Variants in TMEM131L observed in about 807,000 individuals in gnomAD.
TMEM131L encodes the protein transmembrane 131 like.
Under a neutral mutation model 192.2 loss-of-function variants are expected in TMEM131L, and 54 were observed. The observed-to-expected ratio is 0.28, with a 90% CI of 0.23 to 0.35. TMEM131L has a LOEUF of 0.35. Among genes scored for constraint, TMEM131L ranks in the 10% least tolerant of loss-of-function variants. The probability of loss-of-function intolerance (pLI) is 1.00; values close to 1 mark genes in which losing one functional copy is unlikely to be tolerated. For missense variants in TMEM131L, 1,888 were observed against 1,972.9 expected (o/e 0.96, Z 0.82); for synonymous variants, 701 against 704.9 (o/e 0.99, Z 0.09).
At chr4:153,473,018 A>G (rs1731264076) in intron 2 of TMEM131L, among the ~76,000 whole-genome samples, 2 of 152,228 alleles carry the variant, frequency 1.3e-5, no homozygotes, top group South Asian at 4.1e-4. Context: ...CTCGCCTGGT[A>G]GACAGTTAAG....
At chr4:153,471,115 G>A (rs1264863873) in intron 2 of TMEM131L, among the ~76,000 whole-genome samples, 1 of 152,064 alleles carries the variant, frequency 6.6e-6, no homozygotes, top group Non-Finnish European at 1.5e-5. Flanking sequence ...AGCCTCCTGA[G>A]TAGCTGGGAT....
At chr4:153,622,810 A>G (rs1297236478) in intron 28 of TMEM131L, 88 bp from the exon 29 acceptor site, 3 of 1,332,826 alleles carry the variant, frequency 2.3e-6, no homozygotes, top group African/African-American at 1.4e-5. Context: ...ACCTGGCCCT[A>G]CTCCTCCTGT....
At chr4:153,516,538 G>A (rs926715061) in intron 3 of TMEM131L, among the ~76,000 whole-genome samples, 2 of 151,878 alleles carry the variant, frequency 1.3e-5, no homozygotes, top group Non-Finnish European at 2.9e-5. Context: ...CCCTAAAATC[G>A]AATTCTTTAT....
chr4:153,600,383 AC>A (rs1187054360), intron 21 of TMEM131L, among the ~76,000 whole-genome samples: 17 of 150,602 alleles, frequency 1.1e-4, no homozygotes, highest in Non-Finnish European at 2.1e-4. Context: ...AAAAAAAAAA[AC>A]ATCAAAAATA....
chr4:153,623,006 G>C lies in TMEM131L; in HGVS notation c.3968G>C (p.Trp1323Ser). ...SGSVRASRGS[W>S]GSWSSTSSSD... Reference sequence around the variant, plus strand: ...AGCGTGCGTGCCAGCCGGGGCAGCTGGGGGAGCTGGAGCAGCACCAGCAGC... The same window carrying C: ...AGCGTGCGTGCCAGCCGGGGCAGCTCGGGGAGCTGGAGCAGCACCAGCAGC... Residue 1323 changes from tryptophan (W) to serine (S), a missense_variant, in exon 29 of 35, where the codon TGG (tryptophan) becomes TCG (serine). Transcript: ENST00000409959. The C allele has an allele frequency of 6.2e-7, 1 of 1,614,138 alleles. No individual in the cohort carries two copies. Among genetic ancestry groups the C allele is most frequent in the Non-Finnish European group, 8.5e-7 (1 of 1,180,018 alleles).
intron 3 of TMEM131L, among the ~76,000 whole-genome samples, chr4:153,534,745 A>G (rs1490927156): frequency 6.6e-6 from 1 of 151,988 alleles, no homozygotes; most frequent in Non-Finnish European, 1.5e-5. Context: ...GAGTTGGAGG[A>G]TTTGATGGAG....
intron 7 of TMEM131L, among the ~76,000 whole-genome samples, chr4:153,564,777 G>A (rs115370491): frequency 0.016 from 2,413 of 152,286 alleles, 62 homozygotes; most frequent in African/African-American, 0.054. Flanking sequence ...ACACAAAACT[G>A]TTTGTTAATT....
rs752754036 is a variant in TMEM131L at position 153,634,259 on chromosome 4, G to T, written c.4396G>T (p.Asp1466Tyr). The T allele has an allele frequency of 5.0e-6, 8 of 1,613,318 alleles. No individual in the cohort carries two copies. The highest frequency in any genetic ancestry group is 5.9e-6 in the Non-Finnish European group (7 of 1,179,262). Reference sequence around the variant, plus strand: ...CGCATACTGTCCATTGGAATTGAACGATTACAATGCCTTTCCAGAAGGTAA... The same window carrying T: ...CGCATACTGTCCATTGGAATTGAACTATTACAATGCCTTTCCAGAAGGTAA... The part of the protein sequence containing the change: ...SSAYCPLELN[D>Y]YNAFPEENMN... The change falls in exon 33 of 35, where the codon GAT (aspartate) becomes TAT (tyrosine). Residue 1466 changes from aspartate to tyrosine, a missense_variant. Transcript: ENST00000409959.
chr4:153,598,848 A>C, intron 21 of TMEM131L, 116 bp downstream of exon 21: 1 of 811,716 alleles, frequency 1.2e-6, no homozygotes, highest in South Asian at 3.6e-5. Context: ...AAATTCTAAA[A>C]ATTTATAGTA....
intron 28 of TMEM131L, 53 bp downstream of exon 28, chr4:153,621,902 C>T: frequency 6.5e-7 from 1 of 1,547,212 alleles, no homozygotes; most frequent in South Asian, 1.1e-5. Context: ...TTTTTGTTTC[C>T]TCAATGAAGT....
chr4:153,589,082 G>T, intron 16 of TMEM131L, 75 bp downstream of exon 16: 1 of 795,490 alleles, frequency 1.3e-6, no homozygotes, highest in South Asian at 1.5e-5. Flanking sequence ...TACCTGCGGG[G>T]ACACATTCTA....
At chr4:153,516,615 A>G (rs576840214) in intron 3 of TMEM131L, among the ~76,000 whole-genome samples, 10 of 152,280 alleles carry the variant, frequency 6.6e-5, no homozygotes, top group African/African-American at 2.2e-4. Flanking sequence ...TGCTTGTGCA[A>G]TCATTTCTTT....
At chr4:153,572,624 C>T (rs1199349128) in intron 7 of TMEM131L, among the ~76,000 whole-genome samples, 1 of 152,224 alleles carries the variant, frequency 6.6e-6, no homozygotes, top group Non-Finnish European at 1.5e-5. Flanking sequence ...AGCCACCGCA[C>T]CCGGCCCAGT....
intron 24 of TMEM131L, 53 bp downstream of exon 24, chr4:153,603,505 A>G: frequency 6.5e-7 from 1 of 1,529,514 alleles, no homozygotes. Flanking sequence ...CACTTTTGAT[A>G]TTACTCATTT....
intron 12 of TMEM131L, 98 bp from the exon 13 acceptor site, chr4:153,585,360 G>T (rs1340086483): frequency 1.0e-5 from 12 of 1,201,132 alleles, no homozygotes; most frequent in Admixed American, 4.1e-5. Context: ...ATTTAGTAAC[G>T]TTTTATGATG....
intron 31 of TMEM131L, among the ~76,000 whole-genome samples, chr4:153,630,781 T>C (rs974215084): frequency 4.6e-5 from 7 of 151,786 alleles, no homozygotes; most frequent in Non-Finnish European, 1.0e-4. Flanking sequence ...TCTGGGGCAA[T>C]GATGCACCCA....
chr4:153,629,174 A>G (rs909842651), intron 31 of TMEM131L, among the ~76,000 whole-genome samples: 6 of 152,152 alleles, frequency 3.9e-5, no homozygotes, highest in African/African-American at 1.2e-4. Context: ...CCCACTTCAC[A>G]TAGTGCCTGT....
At chr4:153,469,952 A>G (rs1731037644) in intron 2 of TMEM131L, among the ~76,000 whole-genome samples, 1 of 151,286 alleles carries the variant, frequency 6.6e-6, no homozygotes, top group Non-Finnish European at 1.5e-5. Flanking sequence ...AAACAAACAA[A>G]CAAAAAAACC....
intron 3 of TMEM131L, among the ~76,000 whole-genome samples, chr4:153,531,884 T>G (rs1735925737): frequency 6.6e-6 from 1 of 152,210 alleles, no homozygotes; most frequent in Admixed American, 6.5e-5. Flanking sequence ...CTTATTCTAT[T>G]TCCCCACCTC....
Sources: allele counts gnomAD v4.1 joint callset (sites outside exome capture counted in the v4.1 genomes callset), GRCh38; gene constraint gnomAD v4.1.1; transcripts MANE v1.5; gene names NCBI Gene and HGNC (gene_info 2026-07-23, HGNC 2026-07-21).